The following MYRIP variants were observed in gnomAD, a reference collection of about 807,000 sequenced individuals.
MYRIP encodes rab effector MyRIP.
A neutral mutation model predicts 98.0 loss-of-function variants in MYRIP; 49 were observed. That is an observed-to-expected ratio of 0.50 (90% CI 0.40 to 0.63). The LOEUF is 0.63. MYRIP is among the 30% of genes least tolerant of loss of function. MYRIP has a pLI of 0.00. For missense variants in MYRIP, 1,004 were observed against 1,058.2 expected, an observed-to-expected ratio of 0.95 and a Z score of 0.71; for synonymous variants, 404 against 409.5, an observed-to-expected ratio of 0.99 and a Z score of 0.16.
chr3:39,953,737 G>C (rs556549015), intron 2 of MYRIP, among the ~76,000 whole-genome samples: 2 of 152,288 alleles, frequency 1.3e-5, no homozygotes, highest in East Asian at 3.9e-4. Context: ...GCCTTACCCA[G>C]GAAGTGCAAG....
chr3:39,879,027 C>T (rs1373178384), intron 1 of MYRIP, among the ~76,000 whole-genome samples: 17 of 151,678 alleles, frequency 1.1e-4, no homozygotes, highest in Non-Finnish European at 2.9e-5. Context: ...GATCGCACCA[C>T]TGCACTCCAG....
chr3:39,961,677 C>T (rs536450978), intron 2 of MYRIP, among the ~76,000 whole-genome samples: 2 of 152,074 alleles, frequency 1.3e-5, no homozygotes, highest in African/African-American at 4.8e-5. Context: ...CGTTACTAGT[C>T]GAGATATCTA....
At chr3:39,981,448 G>A (rs187618723) in intron 2 of MYRIP, among the ~76,000 whole-genome samples, 20 of 152,016 alleles carry the variant, frequency 1.3e-4, no homozygotes, top group East Asian at 1.9e-4. Context: ...ATTCCTCCTT[G>A]CATTCTTCAC....
chr3:39,900,974 C>G (rs1281245505), intron 2 of MYRIP, 48 bp downstream of exon 2: 1 of 1,416,312 alleles, frequency 7.1e-7, no homozygotes, highest in Non-Finnish European at 9.9e-7. Flanking sequence ...CACATGTGGA[C>G]AAGCGTAACA....
chr3:39,975,279 A>T (rs1480696619), intron 2 of MYRIP, among the ~76,000 whole-genome samples: 1 of 152,190 alleles, frequency 6.6e-6, no homozygotes, highest in Non-Finnish European at 1.5e-5. Flanking sequence ...CCAAATCATG[A>T]GTGAACTCCC....
At chr3:40,022,759 G>A (rs1338011236) in intron 2 of MYRIP, among the ~76,000 whole-genome samples, 4 of 152,152 alleles carry the variant, frequency 2.6e-5, no homozygotes, top group Admixed American at 6.6e-5. Context: ...AAAAGAGAGG[G>A]AAAAGTAGAG....
In MYRIP at chr3:40,040,980, A is replaced by AT. The variant is rs1327917464; in HGVS notation, c.111-3069dup. On this transcript the variant is annotated intron_variant, in intron 2 of 16. Coordinates refer to ENST00000302541, the MANE Select transcript of MYRIP (RefSeq NM_015460.4). ...CATGTACCCTAAAACTTAGAGTATA[A>AT]TAAAAAAAAAAAAGAAAAAAAAAAA... is the stretch of plus-strand genomic sequence containing the variant. 6.4e-4 allele frequency among the ~76,000 whole-genome samples: 19 copies of AT among 29,614 alleles called. 1 individual carries two copies. In the East Asian group the frequency reaches 0.014, roughly 21 times the overall value. The allele number at this position is 29,614 out of a possible 152,430, so 19.4% of individuals were successfully genotyped here. A position where few individuals can be genotyped will look rare whatever the true frequency, so the allele number is the denominator to read the frequency against.
At chr3:40,234,866 C>T (rs1050883995) in intron 12 of MYRIP, among the ~76,000 whole-genome samples, 4 of 151,924 alleles carry the variant, frequency 2.6e-5, no homozygotes, top group Non-Finnish European at 4.4e-5. Context: ...TCATGGCAGG[C>T]GCCTGTAATC....
At chr3:40,107,605 A>C (rs570477604) in intron 3 of MYRIP, among the ~76,000 whole-genome samples, 1 of 152,192 alleles carries the variant, frequency 6.6e-6, no homozygotes, top group Admixed American at 6.5e-5. Context: ...AATAGCAGGT[A>C]TAAGGCCCAT....
intron 2 of MYRIP, among the ~76,000 whole-genome samples, chr3:40,007,911 C>G (rs7426845): frequency 6.6e-6 from 1 of 152,196 alleles, no homozygotes; most frequent in African/African-American, 2.4e-5. Context: ...TAATCAAAGT[C>G]TATAGGTTTA....
At chr3:39,933,077 G>T (rs1944577119) in intron 2 of MYRIP, among the ~76,000 whole-genome samples, 2 of 152,204 alleles carry the variant, frequency 1.3e-5, no homozygotes, top group Admixed American at 1.3e-4. Flanking sequence ...ATGGGCAAAA[G>T]TCTCATGCAT....
intron 2 of MYRIP, among the ~76,000 whole-genome samples, chr3:40,028,239 C>T (rs1278221512): frequency 6.6e-6 from 1 of 151,836 alleles, no homozygotes; most frequent in African/African-American, 2.4e-5. Flanking sequence ...TTTAAGATGC[C>T]TGTTGTAAGA....
In MYRIP at chr3:39,811,811, G is replaced by T. The variant is rs543441555; in HGVS notation, c.-31+1895G>T. Among the ~76,000 whole-genome samples the T allele has an allele frequency of 5.9e-5, 9 of 152,142 alleles. 1 individual carries two copies. In the South Asian group the frequency reaches 1.9e-3, roughly 32 times the overall value. On this transcript the variant is annotated intron_variant, in intron 1 of 16. Transcript: ENST00000302541. The stretch of plus-strand genomic sequence containing the variant: ...TAGAAGGGAGAGTTATCCGGCTGCA[G>T]AATTTGTTCACTTTTGAGAAAGTGA...
At chr3:40,120,176 T>G (rs548109266) in intron 3 of MYRIP, among the ~76,000 whole-genome samples, 64 of 152,282 alleles carry the variant, frequency 4.2e-4, no homozygotes, top group Non-Finnish European at 8.2e-4. Flanking sequence ...ATGGTGAAGT[T>G]TTATTATATT....
At chr3:39,899,117 T>G (rs1943685014) in intron 1 of MYRIP, among the ~76,000 whole-genome samples, 1 of 152,156 alleles carries the variant, frequency 6.6e-6, no homozygotes, top group Non-Finnish European at 1.5e-5. Flanking sequence ...AAGTACCACA[T>G]TCCACTTTGG....
chr3:39,899,324 A>G (rs1943689801), intron 1 of MYRIP, among the ~76,000 whole-genome samples: 1 of 152,184 alleles, frequency 6.6e-6, no homozygotes, highest in African/African-American at 2.4e-5. Context: ...CCACTGTGGT[A>G]GAATATTCTA....
intron 2 of MYRIP, among the ~76,000 whole-genome samples, chr3:39,908,578 G>C (rs1243956319): frequency 1.3e-5 from 2 of 152,142 alleles, no homozygotes; most frequent in Non-Finnish European, 2.9e-5. Flanking sequence ...CTCCTCTGAG[G>C]ATTAATCACC....
chr3:40,231,472 T>A (rs897402639), intron 11 of MYRIP, among the ~76,000 whole-genome samples: 7 of 152,172 alleles, frequency 4.6e-5, no homozygotes, highest in Non-Finnish European at 1.0e-4. Flanking sequence ...AGTGCATATC[T>A]CACAGGAGGT....
At chr3:39,922,186 G>GTCACAGAAATACCAA (rs1944320467) in intron 2 of MYRIP, among the ~76,000 whole-genome samples, 1 of 151,934 alleles carries the variant, frequency 6.6e-6, no homozygotes, top group African/African-American at 2.4e-5. Context: ...GGCAATACCA[G>GTCACAGAAATACCAA]TTGTCACAGA....
Sources: gnomAD v4.1 joint callset for allele counts (sites outside exome capture counted in the v4.1 genomes callset) on GRCh38, gnomAD v4.1.1 for gene constraint, MANE v1.5 for transcripts, NCBI Gene and HGNC (gene_info 2026-07-23, HGNC 2026-07-21) for gene names.